GNG7: variants seen among roughly 807,000 people sequenced by gnomAD.
GNG7 encodes guanine nucleotide-binding protein G(I)/G(S)/G(O) subunit gamma-7.
GNG7 carries 1 observed loss-of-function variant against 4.0 expected under a neutral mutation model. The observed-to-expected ratio is 0.25, with a 90% CI of 0.09 to 1.18. The LOEUF is 1.18. Ranked by LOEUF, GNG7 falls within the 50% of genes most tolerant of loss-of-function variation. GNG7 has a pLI of 0.50. For synonymous variants in GNG7, 34 were observed against 36.9 expected (o/e 0.92, Z 0.29); for missense variants, 86 against 91.9 (o/e 0.94, Z 0.26).
chr19:2,687,694 T>C (rs1983905902), intron 1 of GNG7, among the ~76,000 whole-genome samples: 1 of 149,472 alleles, frequency 6.7e-6, no homozygotes, highest in South Asian at 2.2e-4. Flanking sequence ...TAAATCATGA[T>C]GCCGGGCGCG....
chr19:2,549,174 C>G (rs534313684), intron 3 of GNG7, among the ~76,000 whole-genome samples: 6 of 152,222 alleles, frequency 3.9e-5, no homozygotes, highest in South Asian at 2.1e-4. Context: ...GCTCAACGCT[C>G]GACGCTCAAA....
At position 2,514,980 on chromosome 19, in the gene GNG7, GAGA is replaced by G; in HGVS notation, c.*39_*41del. On this transcript the variant is annotated 3_prime_UTR_variant, in exon 5 of 5. Transcript: ENST00000382159. The stretch of plus-strand genomic sequence containing the variant: ...ACAGAGACAGAGACAGAGAGAGAGA[GAGA>G]GAAAGAGAGAGAGAGAGAGAGAACA... 1 of 1,499,660 alleles carries G rather than the reference GAGA, an allele frequency of 6.7e-7. No homozygotes were observed. Among genetic ancestry groups the G allele is most frequent in the Non-Finnish European group, 9.3e-7 (1 of 1,077,622 alleles). The allele number at this position is 1,499,660 out of a possible 1,614,324, so 92.9% of individuals were successfully genotyped here.
intron 4 of GNG7, among the ~76,000 whole-genome samples, chr19:2,515,663 C>T (rs993343222): frequency 4.0e-5 from 6 of 151,666 alleles, no homozygotes; most frequent in East Asian, 3.9e-4. Context: ...CCTGACCTCG[C>T]GATATGCCTG....
chr19:2,548,185 T>A (rs7258136), intron 3 of GNG7, among the ~76,000 whole-genome samples: 74,586 of 128,380 alleles, frequency 0.58, 19,027 homozygotes, highest in East Asian at 0.79. Flanking sequence ...AAAACAAAAA[T>A]CAAAAAACAA....
chr19:2,587,418 G>T (rs557920831), intron 2 of GNG7, among the ~76,000 whole-genome samples: 1 of 152,276 alleles, frequency 6.6e-6, no homozygotes, highest in African/African-American at 2.4e-5. Flanking sequence ...GTCTTCTGAT[G>T]AGAATCACAG....
intron 2 of GNG7, among the ~76,000 whole-genome samples, chr19:2,625,891 G>A (rs1368476260): frequency 6.6e-6 from 1 of 152,090 alleles, no homozygotes; most frequent in Non-Finnish European, 1.5e-5. Flanking sequence ...GGGTTCAAGC[G>A]ATTCTCCTGC....
At chr19:2,528,971 C>T (rs958792423) in intron 3 of GNG7, among the ~76,000 whole-genome samples, 2 of 152,268 alleles carry the variant, frequency 1.3e-5, no homozygotes, top group East Asian at 1.9e-4. Flanking sequence ...GTGGAAGGGC[C>T]GGTTTGCCCG....
rs576442945 is a variant in GNG7 at position 2,513,250 on chromosome 19, G to A, written c.*1772C>T. 1.0e-5 allele frequency: 6 copies of A among 578,722 alleles called. No individual in the cohort carries two copies. Among genetic ancestry groups the A allele is most frequent in the East Asian group, 1.5e-4 (1 of 6,894 alleles). 35.8% of individuals were successfully genotyped at this position (578,722 alleles called of 1,614,324 possible). A position where few individuals can be genotyped will look rare whatever the true frequency, so the allele number is the denominator to read the frequency against. ...CGGGCCTGCACGGAGGACCTGGGCG[G>A]CCGTCCAGGAACCCTCTCGGCACGG... On this transcript the variant is annotated 3_prime_UTR_variant, in exon 5 of 5. Coordinates refer to ENST00000382159, the MANE Select transcript of GNG7 (RefSeq NM_052847.3).
chr19:2,693,927 T>C (rs963640228), intron 1 of GNG7, among the ~76,000 whole-genome samples: 5 of 152,156 alleles, frequency 3.3e-5, no homozygotes, highest in African/African-American at 1.2e-4. Flanking sequence ...TCGAGGTCCC[T>C]GTCTTCATTT....
intron 3 of GNG7, among the ~76,000 whole-genome samples, chr19:2,539,377 C>T (rs907094050): frequency 4.0e-5 from 6 of 150,590 alleles, no homozygotes; most frequent in African/African-American, 1.2e-4. Context: ...GTGATCTCGG[C>T]TCACTGCAAC....
At chr19:2,696,668 A>G (rs1913273751) in intron 1 of GNG7, among the ~76,000 whole-genome samples, 3 of 152,226 alleles carry the variant, frequency 2.0e-5, no homozygotes, top group Admixed American at 1.3e-4. Context: ...CACAGCACGG[A>G]TGCACCTTGA....
chr19:2,602,905 C>CTTTCTTTCT (rs765975997), intron 2 of GNG7, among the ~76,000 whole-genome samples: 4,439 of 150,360 alleles, frequency 0.03, 114 homozygotes, highest in African/African-American at 0.075. Flanking sequence ...CTTTTTCTTT[C>CTTTCTTTCT]TTTCTTTCTT....
At chr19:2,640,277 G>A (rs1490520875) in intron 2 of GNG7, among the ~76,000 whole-genome samples, 2 of 151,928 alleles carry the variant, frequency 1.3e-5, no homozygotes, top group African/African-American at 4.8e-5. Flanking sequence ...GAGGAAGAGA[G>A]AAAGAAAGAC....
chr19:2,521,217 G>C (rs1978306799), intron 3 of GNG7, among the ~76,000 whole-genome samples: 1 of 151,836 alleles, frequency 6.6e-6, no homozygotes, highest in Non-Finnish European at 1.5e-5. Context: ...AGTGAGCCGA[G>C]ATGGTGCCCC....
At position 2,664,778 on chromosome 19, in the gene GNG7, G is replaced by T. The variant is rs190817360; in HGVS notation, c.-134-18498C>A. Among the ~76,000 whole-genome samples, 20 of 152,212 alleles carry T rather than the reference G, an allele frequency of 1.3e-4. No homozygotes were observed. In the East Asian group the frequency reaches 3.9e-3, roughly 29 times the overall value. On this transcript the variant is annotated intron_variant, in intron 1 of 4. Transcript: ENST00000382159. ...CAAGGTCTCTCCCCTGGAAACCGTG[G>T]ACATTCAGAGCTGGGTCATTCTCTA...
intron 1 of GNG7, among the ~76,000 whole-genome samples, chr19:2,696,828 TG>T (rs1210365991): frequency 2.6e-5 from 4 of 152,116 alleles, no homozygotes; most frequent in Non-Finnish European, 5.9e-5. Context: ...GTCCCCCTCA[TG>T]GGGACAAAAG....
intron 1 of GNG7, among the ~76,000 whole-genome samples, chr19:2,701,494 A>T (rs1469926846): frequency 7.2e-6 from 1 of 138,828 alleles, no homozygotes; most frequent in Non-Finnish European, 1.5e-5. Context: ...TTTCTGGAAC[A>T]AGCCTGACCC....
rs577260619 is a variant in GNG7, at chr19:2,640,544, G to C, written c.-78+5680C>G. On this transcript the variant is annotated intron_variant, in intron 2 of 4. Coordinates refer to ENST00000382159, the MANE Select transcript of GNG7 (RefSeq NM_052847.3). The stretch of plus-strand genomic sequence containing the variant: ...TTCACGAAAATCCCAGCACAGGCTT[G>C]GCAAGATGCTGAGGCCCATCGGTGC... 1.1e-4 allele frequency among the ~76,000 whole-genome samples: 16 copies of C among 152,296 alleles called. No individual in the cohort carries two copies. In the South Asian group the frequency reaches 1.4e-3, roughly 14 times the overall value.
intron 2 of GNG7, among the ~76,000 whole-genome samples, chr19:2,565,144 G>C (rs1052591170): frequency 1.3e-5 from 2 of 152,156 alleles, no homozygotes; most frequent in Non-Finnish European, 2.9e-5. Context: ...TTGGAATCAC[G>C]GGCTCAGACT....
Sources: allele counts gnomAD v4.1 joint callset (sites outside exome capture counted in the v4.1 genomes callset), GRCh38; gene constraint gnomAD v4.1.1; transcripts MANE v1.5; gene names NCBI Gene and HGNC (gene_info 2026-07-23, HGNC 2026-07-21).